Variants in EYS observed in about 807,000 individuals in gnomAD.
The protein encoded by EYS is EGF-like photoreceptor maintenance factor, also known as protein eyes shut homolog.
Under a neutral mutation model 282.1 loss-of-function variants are expected in EYS, and 250 were observed. The ratio of observed to expected loss-of-function variants is 0.89; its 90% CI spans 0.80 to 0.98. The LOEUF (loss-of-function observed/expected upper bound fraction) is 0.98. EYS is among the 50% of genes least tolerant of loss of function. The pLI is 0.00. For synonymous variants in EYS, 1,355 were observed against 1,282.9 expected (o/e 1.06, Z -1.20); for missense variants, 4,016 against 3,709.0 (o/e 1.08, Z -2.15).
intron 11 of EYS, chr6:65,332,513 A>G: frequency 9.6e-7 from 1 of 1,040,382 alleles, no homozygotes; most frequent in South Asian, 1.4e-5. Flanking sequence ...GAGTATATAC[A>G]ATTTTCTCAT....
At chr6:65,194,663 T>A (rs962066662) in intron 12 of EYS, among the ~76,000 whole-genome samples, 2 of 151,912 alleles carry the variant, frequency 1.3e-5, no homozygotes, top group African/African-American at 2.4e-5. Context: ...GAAGGGCCTG[T>A]ATCCCAAGTG....
intron 5 of EYS, among the ~76,000 whole-genome samples, chr6:65,488,279 T>C (rs966964878): frequency 6.6e-6 from 1 of 152,208 alleles, no homozygotes; most frequent in Non-Finnish European, 1.5e-5. Flanking sequence ...ATGTCGATTT[T>C]AGATCTCTCC....
intron 19 of EYS, among the ~76,000 whole-genome samples, chr6:64,878,508 A>T (rs529677193): frequency 6.6e-6 from 1 of 152,202 alleles, no homozygotes; most frequent in East Asian, 1.9e-4. Context: ...TCGGAAATTC[A>T]ATTGATTCAG....
rs532079302 is a variant in EYS, at chr6:65,334,264, T to C, written c.1766+716A>G. On this transcript the variant is annotated intron_variant, in intron 11 of 42. Coordinates refer to ENST00000503581, the MANE Select transcript of EYS (RefSeq NM_001142800.2). ...ATCTCTAGGGCAATATTTTATTTTA[T>C]TGTATTTATTTTCTCATGATAGGGT... 9.3e-4 allele frequency among the ~76,000 whole-genome samples: 141 copies of C among 151,870 alleles called. 1 individual carries two copies. The highest frequency in any genetic ancestry group is 6.8e-3 in the Middle Eastern group (2 of 294).
intron 13 of EYS, among the ~76,000 whole-genome samples, chr6:65,012,810 C>CAAAAA (rs3033918): frequency 1.2e-4 from 14 of 117,670 alleles, no homozygotes; most frequent in African/African-American, 4.2e-4. Context: ...CCAAGTACAG[C>CAAAAA]AAAAAAAAAA....
At chr6:63,843,094 C>G (rs1581883010) in intron 36 of EYS, among the ~76,000 whole-genome samples, 2 of 152,086 alleles carry the variant, frequency 1.3e-5, no homozygotes, top group South Asian at 2.1e-4. Flanking sequence ...TATACAAGCT[C>G]TTTTTTGGTT....
At chr6:64,111,198 T>G (rs931960796) in intron 31 of EYS, among the ~76,000 whole-genome samples, 1 of 152,060 alleles carries the variant, frequency 6.6e-6, no homozygotes, top group Non-Finnish European at 1.5e-5. Flanking sequence ...TCTACTAGTT[T>G]AAGCTGAATA....
chr6:64,402,220 T>C (rs1385654272), intron 28 of EYS, among the ~76,000 whole-genome samples: 1 of 152,196 alleles, frequency 6.6e-6, no homozygotes, highest in African/African-American at 2.4e-5. Context: ...CATTAAAGTG[T>C]GCCACTCATT....
chr6:64,189,803 T>C (rs2150315852), intron 31 of EYS, among the ~76,000 whole-genome samples: 1 of 152,250 alleles, frequency 6.6e-6, no homozygotes, highest in Non-Finnish European at 1.5e-5. Context: ...GTTGTGTGGG[T>C]CAATTCTTTA....
chr6:65,251,365 C>T (rs1767318356), intron 12 of EYS, among the ~76,000 whole-genome samples: 1 of 150,492 alleles, frequency 6.6e-6, no homozygotes, highest in Non-Finnish European at 1.5e-5. Flanking sequence ...TATTTTTGAG[C>T]AATTTATTAC....
intron 39 of EYS, among the ~76,000 whole-genome samples, chr6:63,786,726 T>C (rs764183725): frequency 3.9e-5 from 6 of 151,998 alleles, no homozygotes; most frequent in Non-Finnish European, 7.4e-5. Flanking sequence ...TTAAAAAATA[T>C]ATGGTGGCTT....
At chr6:63,791,621 C>T (rs1384141197) in intron 37 of EYS, among the ~76,000 whole-genome samples, 2 of 150,772 alleles carry the variant, frequency 1.3e-5, no homozygotes, top group East Asian at 3.9e-4. Context: ...GGGATGTGGG[C>T]TTGACTGGCA....
At chr6:64,294,619 T>A (rs927671340) in intron 30 of EYS, among the ~76,000 whole-genome samples, 1 of 152,196 alleles carries the variant, frequency 6.6e-6, no homozygotes, top group African/African-American at 2.4e-5. Flanking sequence ...AGTGGAGAGC[T>A]TCAATTCTCA....
At chr6:64,748,388 C>A (rs1013239395) in intron 22 of EYS, among the ~76,000 whole-genome samples, 9 of 152,214 alleles carry the variant, frequency 5.9e-5, no homozygotes, top group Admixed American at 2.6e-4. Flanking sequence ...CATTACACCT[C>A]AGATTGGGCA....
intron 5 of EYS, among the ~76,000 whole-genome samples, chr6:65,450,277 T>C (rs1481196665): frequency 6.6e-6 from 1 of 152,154 alleles, no homozygotes; most frequent in Non-Finnish European, 1.5e-5. Context: ...TTCCATGCTT[T>C]CTACAGAAAA....
At chr6:64,651,084 A>G (rs116272132) in intron 22 of EYS, among the ~76,000 whole-genome samples, 52 of 152,184 alleles carry the variant, frequency 3.4e-4, no homozygotes, top group African/African-American at 1.2e-3. Flanking sequence ...AGATTCCCCA[A>G]TATGGTTAAC....
chr6:64,815,166 G>C (rs1193753251), intron 21 of EYS: 1 of 426,718 alleles, frequency 2.3e-6, no homozygotes. Context: ...CCCTACAAGT[G>C]ATAGAACTAA....
At chr6:64,927,478 A>G (rs2150085131) in intron 15 of EYS, among the ~76,000 whole-genome samples, 1 of 152,290 alleles carries the variant, frequency 6.6e-6, no homozygotes, top group African/African-American at 2.4e-5. Context: ...AACAATTTAG[A>G]ATAACAAATA....
intron 12 of EYS, among the ~76,000 whole-genome samples, chr6:65,271,128 T>TTATATATATATATATATATATATATA (rs70999188): frequency 0.016 from 882 of 55,536 alleles, 136 homozygotes; most frequent in Non-Finnish European, 0.019. Context: ...AATCAATAGA[T>TTATATATATATATATATATATATATA]TATATATATA....
Sources: allele counts gnomAD v4.1 joint callset (sites outside exome capture counted in the v4.1 genomes callset), GRCh38; gene constraint gnomAD v4.1.1; transcripts MANE v1.5; gene names NCBI Gene and HGNC (gene_info 2026-07-23, HGNC 2026-07-21).